TRAF3IP1: variants seen among roughly 807,000 people sequenced by gnomAD.
The protein encoded by TRAF3IP1 is intraflagellar transport 54.
Under a neutral mutation model 89.9 loss-of-function variants are expected in TRAF3IP1, and 53 were observed. The observed-to-expected ratio is 0.59, with a 90% confidence interval of 0.47 to 0.74. The LOEUF is 0.74. TRAF3IP1 is among the 30% of genes least tolerant of loss of function. The pLI is 0.00. For missense variants in TRAF3IP1, 806 were observed against 866.1 expected (o/e 0.93, Z 0.87); for synonymous variants, 311 against 322.1 (o/e 0.97, Z 0.37).
intron 15 of TRAF3IP1, among the ~76,000 whole-genome samples, chr2:238,362,880 G>C (rs925234040): frequency 6.6e-6 from 1 of 152,230 alleles, no homozygotes; most frequent in African/African-American, 2.4e-5. Context: ...CATGTGGGCC[G>C]CACACAGTGG....
chr2:238,344,705 C>G (rs763598564), intron 9 of TRAF3IP1, 107 bp downstream of exon 9: 92 of 901,796 alleles, frequency 1.0e-4, no homozygotes, highest in Non-Finnish European at 1.6e-4. Flanking sequence ...CCTCTTGGGT[C>G]TGAACGTGGC....
chr2:238,335,243 A>G (rs1698327427), intron 7 of TRAF3IP1, among the ~76,000 whole-genome samples: 1 of 152,048 alleles, frequency 6.6e-6, no homozygotes, highest in Non-Finnish European at 1.5e-5. Flanking sequence ...AGAGGTGAAG[A>G]TTTGTGCTTT....
chr2:238,391,598 A>T (rs1212369901), intron 15 of TRAF3IP1, among the ~76,000 whole-genome samples: 1 of 152,198 alleles, frequency 6.6e-6, no homozygotes, highest in Non-Finnish European at 1.5e-5. Flanking sequence ...ATCCCAGCCC[A>T]AGTGTACTTA....
Position 238,325,926 on chromosome 2 carries a change from A to G in TRAF3IP1, c.310A>G (p.Thr104Ala). 6.2e-7 allele frequency: 1 copy of G among 1,614,156 alleles called. No homozygotes were observed. The highest frequency in any genetic ancestry group is 1.1e-5 in the South Asian group (1 of 91,066). The change falls in exon 3 of 17, where the codon ACA (threonine) becomes GCA (alanine). Residue 104 changes from threonine to alanine, a missense_variant. This residue lies in a region of TRAF3IP1 where 732 missense variants were observed against 780.5 expected (regional missense o/e 0.94). Transcript: ENST00000373327. ...RIVAGHEPER[T>A]NELLQIIGKC... ...CGTGGCGGGGCATGAGCCTGAAAGA[A>G]CAAACGAGCTGCTCCAGATAATTGG...
chr2:238,351,436 G>T lies in TRAF3IP1; in HGVS notation c.1452-1391G>T, dbSNP rs867952325. On this transcript the variant is annotated intron_variant, in intron 12 of 16. Transcript: ENST00000373327. The surrounding 1 kb of genome is among the most constrained non-coding windows in gnomAD (Gnocchi z 5.2). Reference sequence around the variant, plus strand: ...AAGGAAATTACTGACCTTCCCTCTGGGCCCGTGACAAGAGGCCGGTGGGAG... The same window carrying T: ...AAGGAAATTACTGACCTTCCCTCTGTGCCCGTGACAAGAGGCCGGTGGGAG... 5.9e-5 allele frequency among the ~76,000 whole-genome samples: 9 copies of T among 152,068 alleles called. No homozygotes were observed. The highest frequency in any genetic ancestry group is 2.1e-4 in the South Asian group (1 of 4,822).
chr2:238,395,982 G>T (rs1488515823), intron 15 of TRAF3IP1, among the ~76,000 whole-genome samples: 3 of 152,092 alleles, frequency 2.0e-5, no homozygotes, highest in Admixed American at 2.0e-4. Context: ...GATTCCTCAG[G>T]GATCTAGAAC....
At chr2:238,325,239 G>T in intron 1 of TRAF3IP1, 67 bp from the exon 2 acceptor site, 1 of 1,463,430 alleles carries the variant, frequency 6.8e-7, no homozygotes, top group South Asian at 1.1e-5. Flanking sequence ...GTGTGGAGTT[G>T]AGTGGATGAG....
intron 15 of TRAF3IP1, among the ~76,000 whole-genome samples, chr2:238,385,172 C>G (rs542312364): frequency 6.6e-6 from 1 of 152,020 alleles, no homozygotes; most frequent in East Asian, 1.9e-4. Context: ...CCTGCCACCA[C>G]GCCCGGCTAA....
chr2:238,392,203 A>G (rs918541458), intron 15 of TRAF3IP1, among the ~76,000 whole-genome samples: 18 of 152,178 alleles, frequency 1.2e-4, no homozygotes, highest in African/African-American at 4.3e-4. Flanking sequence ...AAACCCTGTA[A>G]AGAAAAAATA....
chr2:238,347,322 G>GGAAAT (rs758650482), intron 9 of TRAF3IP1, 133 bp from the exon 10 acceptor site: 139 of 909,242 alleles, frequency 1.5e-4, no homozygotes, highest in Middle Eastern at 1.1e-3. Context: ...GCGGCTATGA[G>GGAAAT]GAAATGATCT....
intron 8 of TRAF3IP1, among the ~76,000 whole-genome samples, chr2:238,341,456 T>C (rs1453924215): frequency 6.6e-6 from 1 of 152,026 alleles, no homozygotes; most frequent in Non-Finnish European, 1.5e-5. Flanking sequence ...ATTGTCTAAC[T>C]GAACTCAGTT....
At chr2:238,373,927 CTCTG>C (rs1486612296) in intron 15 of TRAF3IP1, among the ~76,000 whole-genome samples, 1 of 151,960 alleles carries the variant, frequency 6.6e-6, no homozygotes, top group Non-Finnish European at 1.5e-5. Flanking sequence ...TGATTTGGCT[CTCTG>C]TCTGTTAATG....
At chr2:238,347,333 T>G (rs1698940047) in intron 9 of TRAF3IP1, 122 bp from the exon 10 acceptor site, 2 of 1,031,502 alleles carry the variant, frequency 1.9e-6, no homozygotes, top group East Asian at 4.8e-5. Context: ...GAAATGATCT[T>G]TTTTTCTTAG....
chr2:238,355,392 A>G (rs1019433558), intron 14 of TRAF3IP1, among the ~76,000 whole-genome samples: 12 of 152,396 alleles, frequency 7.9e-5, no homozygotes, highest in Admixed American at 5.9e-4. Context: ...TGATACCTAC[A>G]CTTATTTCCA....
intron 14 of TRAF3IP1, among the ~76,000 whole-genome samples, chr2:238,354,733 C>G (rs1699331051): frequency 6.6e-6 from 1 of 152,176 alleles, no homozygotes; most frequent in South Asian, 2.1e-4. Context: ...TCACTGCAAC[C>G]TCTGCCTCCC....
chr2:238,338,574 CT>C, intron 8 of TRAF3IP1, 117 bp downstream of exon 8: 1 of 577,710 alleles, frequency 1.7e-6, no homozygotes, highest in South Asian at 3.1e-5. Flanking sequence ...GTTCATGAGA[CT>C]TTTTCATGAT....
At chr2:238,392,690 C>T (rs759497831) in intron 15 of TRAF3IP1, among the ~76,000 whole-genome samples, 1 of 152,214 alleles carries the variant, frequency 6.6e-6, no homozygotes. Context: ...GATTCTTCTG[C>T]CTCAGCCTCC....
chr2:238,329,231 G>T lies in TRAF3IP1; in HGVS notation c.804G>T (p.Glu268Asp), dbSNP rs1698000971. The T allele has an allele frequency of 1.9e-6, 3 of 1,549,662 alleles. No homozygotes were observed. The highest frequency in any genetic ancestry group is 1.4e-5 in the African/African-American group (1 of 72,280). Residue 268 changes from glutamate to aspartate, a missense_variant, in exon 5 of 17, where the codon GAG (glutamate) becomes GAT (aspartate). Transcript: ENST00000373327. Reference protein sequence around the residue: ...EKERLRDRDRERDRDKGKDRD... With the variant: ...EKERLRDRDRDRDRDKGKDRD... ...AGAGACTGAGAGACAGGGACCGAGA[G>T]CGCGACCGGGACAAAGGGAAGGACA...
chr2:238,347,905 G>T (rs1446411885), intron 10 of TRAF3IP1, among the ~76,000 whole-genome samples: 1 of 152,100 alleles, frequency 6.6e-6, no homozygotes, highest in Non-Finnish European at 1.5e-5. Flanking sequence ...GGGATTACAG[G>T]TGTGAGTTAC....
Sources: allele counts gnomAD v4.1 joint callset (sites outside exome capture counted in the v4.1 genomes callset), GRCh38; gene constraint gnomAD v4.1.1; regional missense constraint gnomAD v4.1.1; non-coding constraint Gnocchi (gnomAD v3.1); transcripts MANE v1.5; gene names NCBI Gene and HGNC (gene_info 2026-07-23, HGNC 2026-07-21).